NUP153: variants seen among roughly 807,000 people sequenced by gnomAD.
NUP153 encodes nuclear pore complex protein Nup153.
NUP153 carries 27 observed loss-of-function variants against 134.6 expected under a neutral mutation model. The ratio of observed to expected loss-of-function variants is 0.20; its 90% CI spans 0.15 to 0.28. The LOEUF is 0.28. Ranked by LOEUF, NUP153 falls within the 10% of genes least tolerant of loss-of-function variation. NUP153 has a pLI of 1.00. For missense variants in NUP153, 1,821 were observed against 1,731.3 expected (o/e 1.05, Z -0.92); for synonymous variants, 640 against 623.5 (o/e 1.03, Z -0.40).
At chr6:17,629,657 A>C (rs577577640) in intron 17 of NUP153, 118 bp from the exon 18 acceptor site, 4 of 816,784 alleles carry the variant, frequency 4.9e-6, no homozygotes, top group Admixed American at 3.3e-5. Context: ...CCTACTTTGA[A>C]GAGTATTACC....
intron 1 of NUP153, among the ~76,000 whole-genome samples, chr6:17,704,039 T>C (rs899394745): frequency 4.6e-5 from 7 of 152,218 alleles, no homozygotes; most frequent in Non-Finnish European, 8.8e-5. Context: ...ACGCCTGTAA[T>C]CCCAGCACTT....
At chr6:17,681,920 A>G (rs891105029) in intron 2 of NUP153, among the ~76,000 whole-genome samples, 10 of 152,224 alleles carry the variant, frequency 6.6e-5, no homozygotes, top group African/African-American at 2.4e-4. Flanking sequence ...AAGAAATCCA[A>G]CACAGGCCAG....
rs142177210 is a variant in NUP153 at position 17,658,136 on chromosome 6, A to G, written c.1395+3517T>C. ...CAAAGGAGGCTGGGCGTGATGGCTC[A>G]CGCCTATAATCCCAGCACTCTGGGA... On this transcript the variant is annotated intron_variant, in intron 11 of 21. Coordinates refer to ENST00000262077, the MANE Select transcript of NUP153 (RefSeq NM_005124.4). 5.0e-3 allele frequency among the ~76,000 whole-genome samples: 767 copies of G among 152,362 alleles called. 4 individuals carry two copies. The highest frequency in any genetic ancestry group is 0.014 in the South Asian group (70 of 4,832).
At chr6:17,698,737 CAAAAAAAAAAA>C (rs57961707) in intron 1 of NUP153, among the ~76,000 whole-genome samples, 1 of 80,080 alleles carries the variant, frequency 1.2e-5, no homozygotes, top group Non-Finnish European at 2.6e-5. Flanking sequence ...GACTCTGTCT[CAAAAAAAAAAA>C]AAAAAAAAGA....
chr6:17,688,331 T>C (rs1769066535), intron 2 of NUP153, 65 bp downstream of exon 2: 5 of 1,181,682 alleles, frequency 4.2e-6, no homozygotes, highest in African/African-American at 1.5e-5. Flanking sequence ...CATAACTAGG[T>C]AGTGTCTTCA....
chr6:17,665,207 T>C, intron 9 of NUP153, 32 bp downstream of exon 9: 1 of 1,525,406 alleles, frequency 6.6e-7, no homozygotes, highest in Non-Finnish European at 9.1e-7. Context: ...TAATCAATAT[T>C]CAAAGACTGG....
At chr6:17,648,847 G>C (rs887138514) in intron 12 of NUP153, among the ~76,000 whole-genome samples, 1 of 151,754 alleles carries the variant, frequency 6.6e-6, no homozygotes, top group African/African-American at 2.4e-5. Flanking sequence ...GTTACGCCTA[G>C]CTGAGAAGTA....
Position 17,662,157 on chromosome 6 carries a change from T to C in NUP153, c.1216-87A>G, listed in dbSNP as rs573200241. On this transcript the variant is annotated intron_variant, in intron 9 of 21. Coordinates refer to ENST00000262077, the MANE Select transcript of NUP153 (RefSeq NM_005124.4). Reference sequence around the variant, plus strand: ...CTTGCTTCCTATTAATTTTAATATTTAGAATCAGGAATTTGATGGCTTTTT... The same window carrying C: ...CTTGCTTCCTATTAATTTTAATATTCAGAATCAGGAATTTGATGGCTTTTT... 468 of 1,199,918 alleles carry C rather than the reference T, an allele frequency of 3.9e-4. 10 individuals are homozygous for C. The South Asian group carries it at 6.0e-3, about 15-fold the overall frequency. 74.3% of individuals were successfully genotyped at this position (1,199,918 alleles called of 1,614,324 possible).
At chr6:17,630,606 T>C (rs919195852) in intron 17 of NUP153, among the ~76,000 whole-genome samples, 15 of 151,896 alleles carry the variant, frequency 9.9e-5, no homozygotes, top group African/African-American at 2.4e-5. Flanking sequence ...GAAGTTGCAG[T>C]GAGCCAAGAT....
chr6:17,649,545 G>A (rs1766397328), intron 11 of NUP153, among the ~76,000 whole-genome samples: 1 of 133,390 alleles, frequency 7.5e-6, no homozygotes, highest in South Asian at 2.7e-4. Flanking sequence ...AGGGAAAAAA[G>A]ATAGTAATTC....
intron 14 of NUP153, among the ~76,000 whole-genome samples, chr6:17,640,874 C>T (rs762109939): frequency 2.0e-5 from 3 of 152,042 alleles, no homozygotes; most frequent in East Asian, 1.9e-4. Context: ...CCTCCCACAT[C>T]GGCCTCCCAA....
chr6:17,624,325 C>T (rs536124056), intron 20 of NUP153, among the ~76,000 whole-genome samples: 16 of 152,260 alleles, frequency 1.1e-4, no homozygotes, highest in African/African-American at 3.8e-4. Flanking sequence ...GAATCCCATA[C>T]TTAAGTCAGA....
chr6:17,616,649 T>A lies in NUP153; in HGVS notation c.4221A>T (p.Thr1407=). ...TGAACACTCCTGATGGACTGTTGTT[T>A]GTGAAGTTGAAATTTGTAGTGCTGC... ...FGSSTTNFNF[T]NNSPSGVFTF... is the part of the protein sequence containing the mutation. The change falls in exon 21 of 22, where the codon ACA becomes ACT. Residue 1407 remains threonine, a synonymous_variant. Coordinates refer to ENST00000262077, the MANE Select transcript of NUP153 (RefSeq NM_005124.4). 4 of 1,613,924 alleles carry A rather than the reference T, an allele frequency of 2.5e-6. No homozygotes were observed. Among genetic ancestry groups the A allele is most frequent in the Non-Finnish European group, 1.7e-6 (2 of 1,179,842 alleles).
rs61748575 is a variant in NUP153, at chr6:17,669,502, T to C, written c.897A>G (p.Gln299=). 0.021 allele frequency: 34,597 copies of C among 1,613,892 alleles called. 482 individuals are homozygous for C. Among genetic ancestry groups the C allele is most frequent in the Middle Eastern group, 0.025 (154 of 6,062 alleles). The change falls in exon 6 of 22, where the codon CAA becomes CAG. Residue 299 remains glutamine, a synonymous_variant. Transcript: ENST00000262077. ...CTGTTGAACTGGTCACACCGTAAGA[T>C]TGTGCACTGAGTTGCTTAGCTTTCA... ...RQMKAKQLSA[Q]SYGVTSSTAR... is the part of the protein sequence containing the mutation.
intron 1 of NUP153, among the ~76,000 whole-genome samples, chr6:17,705,725 G>A (rs1770439097): frequency 6.6e-6 from 1 of 152,084 alleles, no homozygotes; most frequent in Non-Finnish European, 1.5e-5. Flanking sequence ...AGGGCCACAG[G>A]CAGGGGAAAC....
At chr6:17,639,807 A>G in intron 15 of NUP153, 132 bp downstream of exon 15, 1 of 723,258 alleles carries the variant, frequency 1.4e-6, no homozygotes. Flanking sequence ...ACACCTAACT[A>G]CATCTCTATT....
At chr6:17,670,625 G>A (rs1027660135) in intron 5 of NUP153, among the ~76,000 whole-genome samples, 2 of 152,160 alleles carry the variant, frequency 1.3e-5, no homozygotes, top group Admixed American at 1.3e-4. Flanking sequence ...ATACCATTAA[G>A]TATGTTGCCA....
chr6:17,631,101 T>G (rs1007299332), intron 17 of NUP153, among the ~76,000 whole-genome samples: 1 of 152,184 alleles, frequency 6.6e-6, no homozygotes, highest in Admixed American at 6.5e-5. Context: ...AAACTGCTAG[T>G]TGTATACCAT....
chr6:17,669,017 C>G lies in NUP153; in HGVS notation c.1026G>C (p.Arg342Ser). 2 of 1,525,414 alleles carry G rather than the reference C, an allele frequency of 1.3e-6. No individual in the cohort carries two copies. The highest frequency in any genetic ancestry group is 1.7e-6 in the Non-Finnish European group (2 of 1,145,218). The allele number at this position is 1,525,414 out of a possible 1,614,324, so 94.5% of individuals were successfully genotyped here. The change falls in exon 8 of 22, where the codon AGG (arginine) becomes AGC (serine). Residue 342 changes from arginine to serine, a missense_variant. By Grantham distance (110) the Arg-to-Ser change is moderately radical (BLOSUM62 -1). Coordinates refer to ENST00000262077, the MANE Select transcript of NUP153 (RefSeq NM_005124.4). ...GAAAATCTGTGATATCTATCCCACTCCTATCAAGAGGCTGAAAAAAAAAAA... is the reference window on the plus strand; with the variant it reads ...GAAAATCTGTGATATCTATCCCACTGCTATCAAGAGGCTGAAAAAAAAAAA... ...VSSPLNSPLDRSGIDITDFQA... is the reference protein window; with the variant it reads ...VSSPLNSPLDSSGIDITDFQA...
Sources: gnomAD v4.1 joint callset for allele counts (sites outside exome capture counted in the v4.1 genomes callset) on GRCh38, gnomAD v4.1.1 for gene constraint, MANE v1.5 for transcripts, NCBI Gene and HGNC (gene_info 2026-07-23, HGNC 2026-07-21) for gene names.